SYTL2: variants seen among roughly 807,000 people sequenced by gnomAD.
SYTL2 encodes the protein synaptotagmin like 2.
Under a neutral mutation model 198.7 loss-of-function variants are expected in SYTL2, and 165 were observed. That is an observed-to-expected ratio of 0.83 (90% CI 0.73 to 0.94). The LOEUF (loss-of-function observed/expected upper bound fraction) is 0.94. Ranked by LOEUF, SYTL2 falls within the 40% of genes least tolerant of loss-of-function variation. The pLI is 0.00. For missense variants in SYTL2, 2,835 were observed against 2,582.8 expected, an observed-to-expected ratio of 1.10 and a Z score of -2.12; for synonymous variants, 966 against 917.7, an observed-to-expected ratio of 1.05 and a Z score of -0.95.
rs201305323 is a variant in SYTL2, at chr11:85,726,048, T to C, written c.3310A>G (p.Lys1104Glu). The C allele has an allele frequency of 4.5e-4, 726 of 1,612,940 alleles. 3 individuals are homozygous for C. The highest frequency in any genetic ancestry group is 9.9e-4 in the South Asian group (90 of 90,698). ...TGTTCTGAGTAATCCTTTTCTTCCT[T>C]AAACACTGGAGTAACAATCCCTTCC... ...NTEGIVTPVF[K>E]EEKDYSEQEI... Residue 1104 changes from lysine to glutamate, a missense_variant, in exon 8 of 20, where the codon AAG (lysine) becomes GAG (glutamate). Around this residue, in one of 3 missense-constraint regions of SYTL2, gnomAD observed 2,645 missense variants for 2,381.7 expected, o/e 1.11. Transcript: ENST00000359152.
At chr11:85,830,401 G>A in the SYTL2 span, among the ~76,000 whole-genome samples, 3 of 152,156 alleles carry the variant, frequency 2.0e-5, no homozygotes, top group Non-Finnish European at 4.4e-5. Flanking sequence ...CTTTAACCAT[G>A]CCACTACACA....
At chr11:85,794,419 T>C (rs1229213290) in intron 1 of SYTL2, among the ~76,000 whole-genome samples, 1 of 149,426 alleles carries the variant, frequency 6.7e-6, no homozygotes, top group Non-Finnish European at 1.5e-5. Context: ...CCTCAAGTGA[T>C]CCTCACACCT....
At chr11:85,752,822 C>T (rs1244805601) in intron 2 of SYTL2, among the ~76,000 whole-genome samples, 1 of 149,198 alleles carries the variant, frequency 6.7e-6, no homozygotes, top group African/African-American at 2.5e-5. Context: ...CATGTACAGT[C>T]CCTTGACAAA....
the SYTL2 span, among the ~76,000 whole-genome samples, chr11:85,830,054 G>A: frequency 2.4e-4 from 37 of 152,134 alleles, 1 homozygote. Context: ...ACTACCCTGT[G>A]GTTGGGATAA....
rs538545676 is a variant in SYTL2, at chr11:85,764,689, A to G, written c.-389-6575T>C. Among the ~76,000 whole-genome samples, 11 of 152,316 alleles carry G rather than the reference A, an allele frequency of 7.2e-5. No individual in the cohort carries two copies. In the South Asian group the frequency reaches 2.3e-3, roughly 32 times the overall value. ...CCCTCAAGGCATGGCATGCTCTTCTAAGGACAACTTGTTAGGAATTAGAAA... is the reference window on the plus strand; with the variant it reads ...CCCTCAAGGCATGGCATGCTCTTCTGAGGACAACTTGTTAGGAATTAGAAA... On this transcript the variant is annotated intron_variant, in intron 1 of 19. Transcript: ENST00000359152.
chr11:85,745,878 T>C, intron 3 of SYTL2, 106 bp from the exon 4 acceptor site: 1 of 1,167,612 alleles, frequency 8.6e-7, no homozygotes, highest in Non-Finnish European at 1.2e-6. Flanking sequence ...ACCTCAGGCC[T>C]TCCCAGTGCC....
intron 1 of SYTL2, among the ~76,000 whole-genome samples, chr11:85,770,479 T>C (rs1407046343): frequency 1.3e-5 from 2 of 152,162 alleles, no homozygotes; most frequent in Non-Finnish European, 2.9e-5. Flanking sequence ...CTCGAAAACC[T>C]TCCCAAGCAC....
Position 85,757,617 on chromosome 11 carries a change from C to A in SYTL2, c.101+8G>T. The A allele has an allele frequency of 6.2e-7, 1 of 1,613,458 alleles. No homozygotes were observed. The highest frequency in any genetic ancestry group is 8.5e-7 in the Non-Finnish European group (1 of 1,179,726). On this transcript the variant is annotated splice_region_variant and intron_variant, in intron 2 of 19. Transcript: ENST00000359152. ...TCCCTCATGCCCAAGGCTTCTCTGG[C>A]CTCTTACCTGACTCTCTCTTCTTCG...
At chr11:85,787,404 C>G (rs10898402) in intron 1 of SYTL2, among the ~76,000 whole-genome samples, 51,248 of 151,746 alleles carry the variant, frequency 0.34, 10,364 homozygotes, top group African/African-American at 0.56. Context: ...TTCTTAGTAA[C>G]TTTATGGTTT....
intron 16 of SYTL2, among the ~76,000 whole-genome samples, chr11:85,701,922 A>G (rs1341040973): frequency 3.3e-5 from 5 of 152,232 alleles, no homozygotes; most frequent in Non-Finnish European, 5.9e-5. Context: ...TCACTTTGAG[A>G]CATTTAAGTA....
chr11:85,740,568 T>C (rs1255970429), intron 4 of SYTL2, among the ~76,000 whole-genome samples: 1 of 152,242 alleles, frequency 6.6e-6, no homozygotes, highest in Non-Finnish European at 1.5e-5. Context: ...CTGTGTCTTC[T>C]GTTTCTTAGA....
chr11:85,739,109 C>A (rs2090585150), intron 4 of SYTL2, among the ~76,000 whole-genome samples: 1 of 152,174 alleles, frequency 6.6e-6, no homozygotes, highest in African/African-American at 2.4e-5. Context: ...AGTGGGAGAT[C>A]CCTCAAGAGT....
chr11:85,730,545 C>T (rs559159621), intron 7 of SYTL2, among the ~76,000 whole-genome samples: 1 of 152,128 alleles, frequency 6.6e-6, no homozygotes, highest in Non-Finnish European at 1.5e-5. Context: ...ATTCAACAGC[C>T]CTTCTTGCTA....
chr11:85,808,886 T>A (rs1478938845), intron 1 of SYTL2, among the ~76,000 whole-genome samples: 2 of 147,532 alleles, frequency 1.4e-5, no homozygotes, highest in African/African-American at 2.5e-5. Context: ...CCTCTTAATT[T>A]AAAAAAAAAA....
Position 85,705,409 on chromosome 11 carries a change from G to A in SYTL2, c.6019-381C>T, listed in dbSNP as rs572634420. ...TTCTCTGTTTTCTACTTAAGAACAA[G>A]GTCTTTTTTAAAATAGTCTTTTTAG... is the stretch of plus-strand genomic sequence containing the variant. On this transcript the variant is annotated intron_variant, in intron 15 of 19. Transcript: ENST00000359152. 4.6e-4 allele frequency among the ~76,000 whole-genome samples: 70 copies of A among 152,206 alleles called. 1 individual carries two copies. The South Asian group carries it at 0.014, about 31-fold the overall frequency.
intron 1 of SYTL2, among the ~76,000 whole-genome samples, chr11:85,780,207 T>C (rs2092534605): frequency 6.6e-6 from 1 of 152,232 alleles, no homozygotes; most frequent in Non-Finnish European, 1.5e-5. Context: ...ATTCTTTCAA[T>C]AGTGCTTATG....
In SYTL2 at chr11:85,711,165, G is replaced by A. The variant is rs773149753; in HGVS notation, c.5693C>T (p.Pro1898Leu). The A allele has an allele frequency of 5.6e-6, 9 of 1,614,000 alleles. No individual in the cohort carries two copies. Among genetic ancestry groups the A allele is most frequent in the African/African-American group, 1.3e-5 (1 of 75,020 alleles). The change falls in exon 13 of 20, where the codon CCG becomes CTG. Residue 1898 changes from proline (P) to leucine (L), a missense_variant. Around this residue, in one of 3 missense-constraint regions of SYTL2, gnomAD observed 2,645 missense variants for 2,381.7 expected, o/e 1.11. Transcript: ENST00000359152. The part of the protein sequence containing the change: ...SYQLSRHKKS[P>L]SSLTNLSSSS... Reference sequence around the variant, plus strand: ...GCTGCTAAGATTGGTTAAAGAGCTCGGGCTCTTCTTGTGTCTGCTGAGCTG... The same window carrying A: ...GCTGCTAAGATTGGTTAAAGAGCTCAGGCTCTTCTTGTGTCTGCTGAGCTG...
At chr11:85,715,053 CATT>C (rs1368824322) in intron 11 of SYTL2, 2 of 152,114 alleles carry the variant, frequency 1.3e-5, no homozygotes, top group Non-Finnish European at 2.9e-5. Flanking sequence ...ATAAAATAAA[CATT>C]ATTTTTTGAA....
In SYTL2 at chr11:85,757,634, T is replaced by C. The variant is rs2091942403; in HGVS notation, c.92A>G (p.Glu31Gly). 2 of 1,613,786 alleles carry C rather than the reference T, an allele frequency of 1.2e-6. No individual in the cohort carries two copies. Among genetic ancestry groups the C allele is most frequent in the Non-Finnish European group, 1.7e-6 (2 of 1,179,856 alleles). Reference sequence around the variant, plus strand: ...TTCTCTGGCCTCTTACCTGACTCTCTCTTCTTCGGCCCTCTTCAGAGCAGC... The same window carrying C: ...TTCTCTGGCCTCTTACCTGACTCTCCCTTCTTCGGCCCTCTTCAGAGCAGC... ...RDAALKRAEE[E>G]RVRHLPEKIK... The change falls in exon 2 of 20, where the codon GAG (glutamate) becomes GGG (glycine). Residue 31 changes from glutamate (E) to glycine (G), a missense_variant. This residue lies in a region of SYTL2 where 2,645 missense variants were observed against 2,381.7 expected (regional missense o/e 1.11). Coordinates refer to ENST00000359152, the MANE Select transcript of SYTL2 (RefSeq NM_206927.4).
Sources: allele counts gnomAD v4.1 joint callset (sites outside exome capture counted in the v4.1 genomes callset), GRCh38; gene constraint gnomAD v4.1.1; regional missense constraint gnomAD v4.1.1; transcripts MANE v1.5; gene names NCBI Gene and HGNC (gene_info 2026-07-23, HGNC 2026-07-21).